The following DPP6 variants were observed in gnomAD, a reference collection of about 807,000 sequenced individuals.
The protein encoded by DPP6 is A-type potassium channel modulatory protein DPP6.
In DPP6, 69 loss-of-function variants were observed where a neutral mutation model predicts 122.6. The observed-to-expected ratio is 0.56, with a 90% confidence interval of 0.46 to 0.69. DPP6 has a LOEUF of 0.69. DPP6 is among the 30% of genes least tolerant of loss of function. The probability of loss-of-function intolerance (pLI) is 0.00; values close to 1 mark genes in which losing one functional copy is unlikely to be tolerated. For synonymous variants in DPP6, 418 were observed against 433.1 expected (o/e 0.97, Z 0.43); for missense variants, 928 against 1,116.9 (o/e 0.83, Z 2.41).
At chr7:154,704,891 C>G (rs147548047) in intron 7 of DPP6, among the ~76,000 whole-genome samples, 5 of 152,224 alleles carry the variant, frequency 3.3e-5, no homozygotes, top group South Asian at 2.1e-4. Context: ...TTGTGGCATG[C>G]CTGTATATGG....
At chr7:154,085,313 G>T (rs1233686215) in intron 1 of DPP6, among the ~76,000 whole-genome samples, 4 of 152,010 alleles carry the variant, frequency 2.6e-5, no homozygotes, top group Non-Finnish European at 2.9e-5. Context: ...CGGACATTCT[G>T]CAGTAATATC....
rs77091560 is a variant in DPP6, at chr7:154,506,141, C to T, written c.457+31104C>T. 9.4e-3 allele frequency among the ~76,000 whole-genome samples: 1,425 copies of T among 152,138 alleles called. 21 individuals are homozygous for T. The highest frequency in any genetic ancestry group is 0.032 in the African/African-American group (1,336 of 41,532). On this transcript the variant is annotated intron_variant, in intron 3 of 25. Coordinates refer to ENST00000377770, the MANE Select transcript of DPP6 (RefSeq NM_130797.4). ...TTGATTTTGACAATGTTTGCAATCTCATTGCTTTTCTGGAAGAGATTTTTG... is the reference window on the plus strand; with the variant it reads ...TTGATTTTGACAATGTTTGCAATCTTATTGCTTTTCTGGAAGAGATTTTTG...
At chr7:154,529,308 C>A (rs963787779) in intron 3 of DPP6, among the ~76,000 whole-genome samples, 4 of 152,164 alleles carry the variant, frequency 2.6e-5, no homozygotes, top group Non-Finnish European at 5.9e-5. Context: ...GGAATCAAGG[C>A]AGGTCAGCTA....
intron 6 of DPP6, among the ~76,000 whole-genome samples, chr7:154,661,612 T>C (rs1837658838): frequency 1.4e-5 from 2 of 145,314 alleles, no homozygotes; most frequent in African/African-American, 5.3e-5. Flanking sequence ...ATAGTCATGG[T>C]GAATCACCAT....
At chr7:154,071,580 C>T (rs1213381679) in intron 1 of DPP6, among the ~76,000 whole-genome samples, 8 of 152,034 alleles carry the variant, frequency 5.3e-5, no homozygotes, top group African/African-American at 1.9e-4. Flanking sequence ...GGGAATTAGG[C>T]GATAAGCCAG....
chr7:153,766,825 C>A, the DPP6 span, among the ~76,000 whole-genome samples: 1 of 151,850 alleles, frequency 6.6e-6, no homozygotes, highest in Non-Finnish European at 1.5e-5. Context: ...AAGCAAAAAC[C>A]GAAATATATT....
intron 1 of DPP6, among the ~76,000 whole-genome samples, chr7:154,278,935 G>A (rs117240497): frequency 6.6e-6 from 1 of 152,018 alleles, no homozygotes; most frequent in East Asian, 1.9e-4. Flanking sequence ...GTATGTATGT[G>A]TGTTTGTTGT....
At chr7:154,732,124 C>T (rs1224521803) in intron 8 of DPP6, among the ~76,000 whole-genome samples, 3 of 152,002 alleles carry the variant, frequency 2.0e-5, no homozygotes, top group East Asian at 1.9e-4. Flanking sequence ...CTGCAAGCTC[C>T]GCCTCCCAGG....
At chr7:154,659,488 A>T (rs966961673) in intron 6 of DPP6, among the ~76,000 whole-genome samples, 1 of 152,236 alleles carries the variant, frequency 6.6e-6, no homozygotes, top group African/African-American at 2.4e-5. Context: ...ATAAACCAGC[A>T]TTTATGGAAT....
chr7:154,593,589 A>T (rs1203545991), intron 5 of DPP6, among the ~76,000 whole-genome samples: 1 of 152,226 alleles, frequency 6.6e-6, no homozygotes, highest in African/African-American at 2.4e-5. Flanking sequence ...GTTGCCACCA[A>T]TGTGTATCTA....
chr7:154,889,800 C>T, intron 25 of DPP6: 1 of 492,370 alleles, frequency 2.0e-6, no homozygotes, highest in Non-Finnish European at 3.5e-6. Flanking sequence ...TGCTCCCCTC[C>T]TCCGGGCAGT....
intron 1 of DPP6, among the ~76,000 whole-genome samples, chr7:154,201,731 G>A (rs537988796): frequency 1.4e-4 from 22 of 152,222 alleles, no homozygotes; most frequent in Non-Finnish European, 2.5e-4. Context: ...TAGTAAATCC[G>A]TGATCCGTGT....
chr7:153,795,376 C>T, the DPP6 span, among the ~76,000 whole-genome samples: 1 of 152,200 alleles, frequency 6.6e-6, no homozygotes, highest in African/African-American at 2.4e-5. Flanking sequence ...GATTGCGCCA[C>T]TGCACTGCAG....
At chr7:154,359,824 G>T (rs530484119) in intron 1 of DPP6, among the ~76,000 whole-genome samples, 1 of 152,324 alleles carries the variant, frequency 6.6e-6, no homozygotes, top group African/African-American at 2.4e-5. Context: ...AAACACTACA[G>T]CACTTGAGTT....
intron 1 of DPP6, among the ~76,000 whole-genome samples, chr7:154,179,914 G>T (rs1045457798): frequency 1.3e-5 from 2 of 152,052 alleles, no homozygotes; most frequent in Non-Finnish European, 2.9e-5. Flanking sequence ...TGCAATTTAA[G>T]CTAAAAATGA....
At chr7:154,180,769 C>A (rs1304606086) in intron 1 of DPP6, among the ~76,000 whole-genome samples, 2 of 151,954 alleles carry the variant, frequency 1.3e-5, no homozygotes, top group East Asian at 3.9e-4. Flanking sequence ...CATGTTCTTA[C>A]CCATATTTTC....
chr7:154,838,412 T>C (rs1192597733), intron 16 of DPP6: 1 of 152,226 alleles, frequency 6.6e-6, no homozygotes, highest in Admixed American at 6.5e-5. Flanking sequence ...CGGGTTCCAT[T>C]GCCACATTTT....
intron 17 of DPP6, 131 bp downstream of exon 17, chr7:154,853,958 A>T: frequency 8.1e-7 from 1 of 1,242,128 alleles, no homozygotes; most frequent in Non-Finnish European, 1.1e-6. Context: ...AGCAGTTCAG[A>T]ATAGGCCATG....
rs1275416308 is a variant in DPP6, at chr7:154,881,140, T to G, written c.2133+198T>G. 6.6e-6 allele frequency: 6 copies of G among 914,496 alleles called. No homozygotes were observed. The African/African-American group carries it at 1.0e-4, about 16-fold the overall frequency. The allele number at this position is 914,496 out of a possible 1,614,324, so 56.6% of individuals were successfully genotyped here. ...GATCAGCTCATTTTCCTAAGTTTCT[T>G]TTTACATTATCTGGAAGGAAAGAGA... On this transcript the variant is annotated intron_variant, in intron 21 of 25. Coordinates refer to ENST00000377770, the MANE Select transcript of DPP6 (RefSeq NM_130797.4).
Sources: gnomAD v4.1 joint callset for allele counts (sites outside exome capture counted in the v4.1 genomes callset) on GRCh38, gnomAD v4.1.1 for gene constraint, MANE v1.5 for transcripts, NCBI Gene and HGNC (gene_info 2026-07-23, HGNC 2026-07-21) for gene names.